Variants in NAV2 observed in about 807,000 individuals in gnomAD.
The protein encoded by NAV2 is neuron navigator 2.
Under a neutral mutation model 223.2 loss-of-function variants are expected in NAV2, and 54 were observed. That is an observed-to-expected ratio of 0.24 (90% confidence interval 0.19 to 0.30). The LOEUF is 0.30. NAV2 is among the 10% of genes least tolerant of loss of function. The probability of loss-of-function intolerance (pLI) is 1.00; values close to 1 mark genes in which losing one functional copy is unlikely to be tolerated. For synonymous variants in NAV2, 1,279 were observed against 1,239.3 expected (o/e 1.03, Z -0.67); for missense variants, 2,806 against 3,147.5 (o/e 0.89, Z 2.60).
At chr11:19,868,395 C>A (rs79413047) in intron 3 of NAV2, among the ~76,000 whole-genome samples, 218 of 152,298 alleles carry the variant, frequency 1.4e-3, no homozygotes, top group African/African-American at 4.9e-3. Context: ...CCTTTCTTGC[C>A]ACAGAAAGCA....
chr11:19,621,048 T>C (rs988490419), intron 1 of NAV2, among the ~76,000 whole-genome samples: 1 of 152,234 alleles, frequency 6.6e-6, no homozygotes, highest in Non-Finnish European at 1.5e-5. Flanking sequence ...ATTCTGTTTA[T>C]ATGACGGATT....
chr11:19,761,668 T>A (rs1219626440), intron 1 of NAV2, among the ~76,000 whole-genome samples: 4 of 152,204 alleles, frequency 2.6e-5, no homozygotes, highest in African/African-American at 4.8e-5. Context: ...AACTGCGATG[T>A]CCACTGACGT....
At chr11:19,581,829 G>A (rs2045728680) in intron 1 of NAV2, among the ~76,000 whole-genome samples, 1 of 152,180 alleles carries the variant, frequency 6.6e-6, no homozygotes, top group Non-Finnish European at 1.5e-5. Flanking sequence ...TAAACATGGT[G>A]TGCATGTGTC....
At chr11:20,057,694 C>T (rs550893597) in intron 19 of NAV2, among the ~76,000 whole-genome samples, 1 of 152,168 alleles carries the variant, frequency 6.6e-6, no homozygotes, top group Non-Finnish European at 1.5e-5. Context: ...CTCTTCTCTG[C>T]CATGTGTCTT....
chr11:19,393,909 T>TTTTC (rs1554918436), intron 1 of NAV2, among the ~76,000 whole-genome samples: 1 of 149,986 alleles, frequency 6.7e-6, no homozygotes, highest in African/African-American at 2.5e-5. Context: ...TTTTTTTCTT[T>TTTTC]TTTTTTTTTT....
At chr11:19,600,483 T>A (rs2046323099) in intron 1 of NAV2, among the ~76,000 whole-genome samples, 1 of 152,240 alleles carries the variant, frequency 6.6e-6, no homozygotes, top group African/African-American at 2.4e-5. Flanking sequence ...GCCAGTTACA[T>A]GTGTATTAAT....
At chr11:19,682,193 A>G (rs1384077358) in intron 1 of NAV2, among the ~76,000 whole-genome samples, 2 of 152,142 alleles carry the variant, frequency 1.3e-5, no homozygotes, top group African/African-American at 2.4e-5. Context: ...AGGAGTGGGA[A>G]TCTGGAGAGG....
chr11:19,400,288 G>A (rs1222752893), intron 1 of NAV2, among the ~76,000 whole-genome samples: 1 of 152,160 alleles, frequency 6.6e-6, no homozygotes, highest in South Asian at 2.1e-4. Context: ...CATCAATGGA[G>A]TGAGGCTCCA....
At chr11:19,966,925 AAG>A (rs2048816095) in intron 10 of NAV2, among the ~76,000 whole-genome samples, 1 of 152,164 alleles carries the variant, frequency 6.6e-6, no homozygotes, top group South Asian at 2.1e-4. Context: ...GCGGAATGAA[AAG>A]AGAGAGAAAG....
intron 2 of NAV2, among the ~76,000 whole-genome samples, chr11:19,833,943 G>A (rs1376768441): frequency 6.6e-6 from 1 of 152,184 alleles, no homozygotes; most frequent in Admixed American, 6.5e-5. Flanking sequence ...CTCAATGCCA[G>A]CATGGGAGAA....
rs555078444 is a variant in NAV2, at chr11:20,093,095, G to A, written c.5816-4G>A. The A allele has an allele frequency of 6.2e-6, 10 of 1,610,992 alleles. No individual in the cohort carries two copies. Among genetic ancestry groups the A allele is most frequent in the East Asian group, 4.5e-5 (2 of 44,746 alleles). On this transcript the variant is annotated splice_region_variant and splice_polypyrimidine_tract_variant and intron_variant, in intron 28 of 37. Transcript: ENST00000349880. ...CTAAGGCTGTTGATGTTTTCCATTCGCAGACATGTTGCTGGATGACACTGG... is the reference window on the plus strand; with the variant it reads ...CTAAGGCTGTTGATGTTTTCCATTCACAGACATGTTGCTGGATGACACTGG...
intron 37 of NAV2, among the ~76,000 whole-genome samples, chr11:20,116,149 CAG>C (rs564178432): frequency 1.1e-3 from 160 of 152,168 alleles, no homozygotes; most frequent in East Asian, 1.5e-3. Flanking sequence ...GAAAACATAA[CAG>C]AGAATATTAT....
intron 1 of NAV2, among the ~76,000 whole-genome samples, chr11:19,642,204 CAT>C (rs1385620056): frequency 6.6e-6 from 1 of 152,186 alleles, no homozygotes; most frequent in Admixed American, 6.5e-5. Flanking sequence ...CCCATCTGCA[CAT>C]ACTCTTCAAG....
intron 6 of NAV2, among the ~76,000 whole-genome samples, chr11:19,904,611 G>T (rs546456206): frequency 6.6e-6 from 1 of 152,184 alleles, no homozygotes; most frequent in South Asian, 2.1e-4. Flanking sequence ...ACAGAAACCA[G>T]TTCCCTTGCA....
intron 9 of NAV2, 141 bp downstream of exon 9, chr11:19,946,650 C>A (rs1478342573): frequency 4.2e-6 from 3 of 722,034 alleles, no homozygotes; most frequent in Non-Finnish European, 7.0e-6. Flanking sequence ...ACAAAGAATG[C>A]CATATGACAT....
At chr11:19,507,261 A>G (rs1312468279) in intron 1 of NAV2, 1 of 152,236 alleles carries the variant, frequency 6.6e-6, no homozygotes, top group Non-Finnish European at 1.5e-5. Flanking sequence ...TCTAGTAGTT[A>G]CAGGAGTGTT....
chr11:19,686,889 T>A (rs1313485803), intron 1 of NAV2, among the ~76,000 whole-genome samples: 1 of 152,246 alleles, frequency 6.6e-6, no homozygotes, highest in Non-Finnish European at 1.5e-5. Flanking sequence ...GGCTAAACCC[T>A]TCATATGCAG....
chr11:19,759,803 T>C (rs1663199894), intron 1 of NAV2, among the ~76,000 whole-genome samples: 1 of 152,192 alleles, frequency 6.6e-6, no homozygotes, highest in South Asian at 2.1e-4. Flanking sequence ...CATCACATCC[T>C]GAAGGATCAT....
At chr11:19,467,464 T>C (rs1482065765) in intron 1 of NAV2, among the ~76,000 whole-genome samples, 1 of 152,216 alleles carries the variant, frequency 6.6e-6, no homozygotes, top group African/African-American at 2.4e-5. Context: ...AAATCACTCG[T>C]GGTGTTCGCA....
Sources: gnomAD v4.1 joint callset for allele counts (sites outside exome capture counted in the v4.1 genomes callset) on GRCh38, gnomAD v4.1.1 for gene constraint, MANE v1.5 for transcripts, NCBI Gene and HGNC (gene_info 2026-07-23, HGNC 2026-07-21) for gene names.